The following PDHX variants were observed in gnomAD, a reference collection of about 807,000 sequenced individuals.
PDHX encodes pyruvate dehydrogenase protein X component, mitochondrial.
A neutral mutation model predicts 55.3 loss-of-function variants in PDHX; 33 were observed. The observed-to-expected ratio is 0.60, with a 90% CI of 0.45 to 0.80. The LOEUF (loss-of-function observed/expected upper bound fraction) is 0.80. Among genes scored for constraint, PDHX ranks in the 30% least tolerant of loss-of-function variants. The pLI is 0.00. For synonymous variants in PDHX, 226 were observed against 219.4 expected, an observed-to-expected ratio of 1.03 and a Z score of -0.27; for missense variants, 622 against 619.9, an observed-to-expected ratio of 1.00 and a Z score of -0.04.
chr11:34,978,520 A>T (rs1281549502), intron 8 of PDHX, among the ~76,000 whole-genome samples: 1 of 152,076 alleles, frequency 6.6e-6, no homozygotes, highest in African/African-American at 2.4e-5. Context: ...TGCTGAGGAG[A>T]AAAAGAAAGG....
intron 6 of PDHX, among the ~76,000 whole-genome samples, chr11:34,969,364 G>A (rs113865079): frequency 5.7e-5 from 8 of 141,154 alleles, no homozygotes; most frequent in South Asian, 2.3e-4. Flanking sequence ...TTTTTTTCCC[G>A]AAACAATCTT....
In PDHX at chr11:34,984,875, A is replaced by G. The variant is rs375579811; in HGVS notation, c.1182+147A>G. 124 of 748,986 alleles carry G rather than the reference A, an allele frequency of 1.7e-4. No homozygotes were observed. The South Asian group carries it at 1.8e-3, about 11-fold the overall frequency. 46.4% of individuals were successfully genotyped at this position (748,986 alleles called of 1,614,324 possible). A position where few individuals can be genotyped will look rare whatever the true frequency, so the allele number is the denominator to read the frequency against. On this transcript the variant is annotated intron_variant, in intron 9 of 10. Coordinates refer to ENST00000227868, the MANE Select transcript of PDHX (RefSeq NM_003477.3). Reference sequence around the variant, plus strand: ...TTATTTCATCAAGTGATTGTCACATATATATAGGTTTTTAAAGTTTTTATC... The same window carrying G: ...TTATTTCATCAAGTGATTGTCACATGTATATAGGTTTTTAAAGTTTTTATC...
At chr11:34,980,944 G>C (rs1443931260) in intron 8 of PDHX, among the ~76,000 whole-genome samples, 2 of 151,934 alleles carry the variant, frequency 1.3e-5, no homozygotes, top group African/African-American at 4.8e-5. Context: ...TGTGATACAG[G>C]GCAAGATTAT....
At chr11:34,918,943 C>G (rs1479496469) in intron 1 of PDHX, among the ~76,000 whole-genome samples, 1 of 152,162 alleles carries the variant, frequency 6.6e-6, no homozygotes. Flanking sequence ...TTACAAGGAC[C>G]CTTGTGATTA....
intron 2 of PDHX, among the ~76,000 whole-genome samples, chr11:34,936,285 G>A (rs895525609): frequency 1.3e-5 from 2 of 152,168 alleles, no homozygotes; most frequent in Non-Finnish European, 2.9e-5. Context: ...AACCAAGTCT[G>A]TTTGGGCATA....
Position 34,995,284 on chromosome 11 carries a change from T to G in PDHX, c.*112T>G, listed in dbSNP as rs2134008850. The G allele has an allele frequency of 3.3e-6, 4 of 1,207,420 alleles. No individual in the cohort carries two copies. The East Asian group carries it at 9.4e-5, about 28-fold the overall frequency. The allele number at this position is 1,207,420 out of a possible 1,614,324, so 74.8% of individuals were successfully genotyped here. The stretch of plus-strand genomic sequence containing the variant: ...TTTAAGTATGAAGTGGATGAAATGT[T>G]TATTTATTTAAGGTGAAAGCATTTG... On this transcript the variant is annotated 3_prime_UTR_variant, in exon 11 of 11. Transcript: ENST00000227868.
chr11:34,933,626 G>A (rs556711462), intron 2 of PDHX, among the ~76,000 whole-genome samples: 5 of 152,234 alleles, frequency 3.3e-5, no homozygotes, highest in Non-Finnish European at 5.9e-5. Context: ...CAATCCAGTC[G>A]CAGTAAGCAC....
At chr11:34,966,549 A>G in intron 5 of PDHX, 91 bp from the exon 6 acceptor site, 1 of 1,179,042 alleles carries the variant, frequency 8.5e-7, no homozygotes, top group Non-Finnish European at 1.3e-6. Flanking sequence ...ATATTTCTGT[A>G]TCTTTTCTCC....
chr11:34,993,964 A>G (rs1855809134), intron 10 of PDHX, among the ~76,000 whole-genome samples: 1 of 152,004 alleles, frequency 6.6e-6, no homozygotes, highest in Non-Finnish European at 1.5e-5. Context: ...GTTTCATTAG[A>G]TTTATTCTTT....
At chr11:34,970,925 T>C (rs1855244673) in intron 7 of PDHX, among the ~76,000 whole-genome samples, 5 of 152,234 alleles carry the variant, frequency 3.3e-5, no homozygotes. Flanking sequence ...AAAAGTGGGC[T>C]TAATGTTTTG....
intron 7 of PDHX, among the ~76,000 whole-genome samples, chr11:34,971,763 T>G (rs919897578): frequency 3.9e-5 from 6 of 152,156 alleles, no homozygotes; most frequent in Non-Finnish European, 7.4e-5. Context: ...TTTTTCAGAT[T>G]TGTTATCTTA....
At chr11:34,916,108 C>T (rs1340739876), upstream of PDHX, 11 of 1,360,408 alleles carry the variant, frequency 8.1e-6, no homozygotes, top group Admixed American at 2.2e-5. Flanking sequence ...AACGGCCAGG[C>T]CCGAAACCCC....
intron 4 of PDHX, among the ~76,000 whole-genome samples, chr11:34,959,764 C>T (rs1265906168): frequency 6.6e-6 from 1 of 151,944 alleles, no homozygotes; most frequent in Non-Finnish European, 1.5e-5. Flanking sequence ...CATGGATAAA[C>T]CTTGAGAATA....
At chr11:34,923,192 G>C (rs1186431330) in intron 1 of PDHX, among the ~76,000 whole-genome samples, 1 of 56,860 alleles carries the variant, frequency 1.8e-5, no homozygotes, top group Middle Eastern at 8.5e-3. Flanking sequence ...GAACAAGATG[G>C]GGTATATGGG....
At chr11:34,964,062 C>T (rs1855078148) in intron 5 of PDHX, among the ~76,000 whole-genome samples, 2 of 152,190 alleles carry the variant, frequency 1.3e-5, no homozygotes, top group South Asian at 4.1e-4. Context: ...AAGGTTGTAC[C>T]TGAGTTAACT....
At chr11:34,993,148 T>A (rs981776499) in intron 10 of PDHX, among the ~76,000 whole-genome samples, 1 of 152,114 alleles carries the variant, frequency 6.6e-6, no homozygotes, top group Non-Finnish European at 1.5e-5. Flanking sequence ...CCCACTGCAA[T>A]CTGGTGTCCA....
At chr11:34,949,670 A>G (rs1854708972) in intron 3 of PDHX, among the ~76,000 whole-genome samples, 2 of 152,232 alleles carry the variant, frequency 1.3e-5, no homozygotes, top group Admixed American at 1.3e-4. Flanking sequence ...ATAAAGTAGA[A>G]TCTTAGGATG....
intron 6 of PDHX, among the ~76,000 whole-genome samples, chr11:34,968,953 T>G (rs1855194614): frequency 6.6e-6 from 1 of 152,186 alleles, no homozygotes; most frequent in South Asian, 2.1e-4. Context: ...TTATAATTTT[T>G]TGACTTCACG....
chr11:34,916,889 AG>A, intron 1 of PDHX, 74 bp downstream of exon 1: 1 of 1,394,938 alleles, frequency 7.2e-7, no homozygotes. Context: ...GTTATGATTG[AG>A]GGCCTGCTTT....
Sources: allele counts gnomAD v4.1 joint callset (sites outside exome capture counted in the v4.1 genomes callset), GRCh38; gene constraint gnomAD v4.1.1; transcripts MANE v1.5; gene names NCBI Gene and HGNC (gene_info 2026-07-23, HGNC 2026-07-21).